The following SLC15A2 variants were observed in gnomAD, a reference collection of about 807,000 sequenced individuals.
SLC15A2 encodes the protein solute carrier family 15 member 2, also known as kidney H(+)/peptide cotransporter.
In SLC15A2, 77 loss-of-function variants were observed where a neutral mutation model predicts 95.5. The observed-to-expected ratio is 0.81, with a 90% CI of 0.67 to 0.97. The LOEUF (loss-of-function observed/expected upper bound fraction) is 0.97. Among genes scored for constraint, SLC15A2 ranks in the 50% least tolerant of loss-of-function variants. SLC15A2 has a pLI of 0.00. For missense variants in SLC15A2, 893 were observed against 874.4 expected (o/e 1.02, Z -0.27); for synonymous variants, 306 against 306.9 (o/e 1.00, Z 0.03).
intron 1 of SLC15A2, 129 bp from the exon 2 acceptor site, chr3:121,896,277 G>A (rs1404337489): frequency 1.4e-6 from 1 of 726,808 alleles, no homozygotes; most frequent in African/African-American, 1.7e-5. Flanking sequence ...GTCATGAAGA[G>A]TAGAGACCAT....
In SLC15A2 at chr3:121,896,493, G is replaced by T. The variant is rs151029304; in HGVS notation, c.193G>T (p.Ala65Ser). The T allele has an allele frequency of 4.0e-4, 648 of 1,613,232 alleles. No homozygotes were observed. The highest frequency in any genetic ancestry group is 5.3e-4 in the Non-Finnish European group (622 of 1,179,390). The stretch of plus-strand genomic sequence containing the variant: ...GCGCTTTTCCTATTATGGAATGAAA[G>T]GTAATTTTGTGTCCAAGAGTCCTAC... ...CERFSYYGMK[A>S]VLILYFLYFL... Residue 65 changes from alanine (A) to serine (S), a missense_variant and splice_region_variant, in exon 2 of 22, where the codon GCT becomes TCT. By Grantham distance (99) the Ala-to-Ser change is moderately conservative. Transcript: ENST00000489711.
At chr3:121,935,558 GT>G (rs1403441983) in intron 19 of SLC15A2, among the ~76,000 whole-genome samples, 7 of 152,126 alleles carry the variant, frequency 4.6e-5, no homozygotes, top group African/African-American at 1.7e-4. Flanking sequence ...GTGTAGAGGT[GT>G]TTGTAGTATT....
In SLC15A2 at chr3:121,928,563, G is replaced by A. The variant is rs1399382751; in HGVS notation, c.1341+8G>A. The A allele has an allele frequency of 4.3e-6, 7 of 1,612,690 alleles. No homozygotes were observed. The highest frequency in any genetic ancestry group is 1.1e-5 in the South Asian group (1 of 90,822). ...TCCATCAAATCCTTTCAGGTGAGGT[G>A]TGTACCTGAATGAATTAGAAACTCT... On this transcript the variant is annotated splice_region_variant and intron_variant, in intron 15 of 21. Transcript: ENST00000489711.
At chr3:121,923,172 T>G in intron 10 of SLC15A2, 43 bp downstream of exon 10, 1 of 1,611,850 alleles carries the variant, frequency 6.2e-7, no homozygotes, top group South Asian at 1.1e-5. Flanking sequence ...TTACAGCCAC[T>G]TCCCTCTCAC....
intron 7 of SLC15A2, among the ~76,000 whole-genome samples, chr3:121,918,930 C>T (rs1709949671): frequency 6.6e-6 from 1 of 152,170 alleles, no homozygotes; most frequent in South Asian, 2.1e-4. Context: ...TGGCCACTAC[C>T]GCCTCTGTCT....
At position 121,928,431 on chromosome 3, in the gene SLC15A2, C is replaced by A. The variant is rs1710164128; in HGVS notation, c.1217C>A (p.Pro406Gln). The change falls in exon 15 of 22, where the codon CCA becomes CAA. Residue 406 changes from proline to glutamine, a missense_variant. Transcript: ENST00000489711. Reference sequence around the variant, plus strand: ...GTTCTTTGCTCTAAGGAAATGGCCCCAGCCCAGCCAGGTCCCCAGGAGGTT... The same window carrying A: ...GTTCTTTGCTCTAAGGAAATGGCCCAAGCCCAGCCAGGTCCCCAGGAGGTT... ...AVEIKINEMA[P>Q]AQPGPQEVFL... 6.2e-7 allele frequency: 1 copy of A among 1,613,608 alleles called. No homozygotes were observed. Among genetic ancestry groups the A allele is most frequent in the Non-Finnish European group, 8.5e-7 (1 of 1,179,778 alleles).
intron 11 of SLC15A2, among the ~76,000 whole-genome samples, chr3:121,923,935 G>A (rs555981305): frequency 1.3e-5 from 2 of 152,124 alleles, no homozygotes; most frequent in African/African-American, 4.8e-5. Flanking sequence ...ATTTACCATG[G>A]TGGTCTTCTT....
At position 121,931,871 on chromosome 3, in the gene SLC15A2, G is replaced by T. The variant is rs545463757; in HGVS notation, c.1761+136G>T. 1.2e-3 allele frequency: 705 copies of T among 606,080 alleles called. 10 individuals carry two copies. The South Asian group carries it at 0.013, about 11-fold the overall frequency. The allele number at this position is 606,080 out of a possible 1,614,324, so 37.5% of individuals were successfully genotyped here. ...CGTATATTTATTTCTAGCATAAGAT[G>T]ACAGGTTCTACAGTGACTTTAATTA... On this transcript the variant is annotated intron_variant, in intron 19 of 21. Transcript: ENST00000489711.
At position 121,922,218 on chromosome 3, in the gene SLC15A2, A is replaced by G; in HGVS notation, c.698-2A>G. The G allele has an allele frequency of 6.2e-7, 1 of 1,612,754 alleles. No homozygotes were observed. Among genetic ancestry groups the G allele is most frequent in the Non-Finnish European group, 8.5e-7 (1 of 1,178,828 alleles). On this transcript the variant is annotated splice_acceptor_variant, in intron 7 of 21. Transcript: ENST00000489711. LOFTEE classifies it high-confidence loss of function. The stretch of plus-strand genomic sequence containing the variant: ...AGAACCTTGTTTGTGTATCAACTGC[A>G]GTTGTGTTTGCAATGGGAAGCAAAA...
At chr3:121,938,266 G>T (rs888663783) in intron 19 of SLC15A2, among the ~76,000 whole-genome samples, 1 of 152,250 alleles carries the variant, frequency 6.6e-6, no homozygotes, top group Admixed American at 6.5e-5. Flanking sequence ...AGGCAGGCAG[G>T]CCGCCTTGAG....
At chr3:121,902,467 G>A (rs948199020) in intron 3 of SLC15A2, among the ~76,000 whole-genome samples, 27 of 151,954 alleles carry the variant, frequency 1.8e-4, no homozygotes, top group African/African-American at 5.8e-4. Context: ...CCATGAACTC[G>A]CCATTTACAT....
chr3:121,923,201 A>T (rs3817601), intron 10 of SLC15A2, 21 bp from the exon 11 acceptor site: 732,670 of 1,612,834 alleles, frequency 0.45, 171,164 homozygotes, highest in East Asian at 0.72. Flanking sequence ...GATTTCTCAT[A>T]ACAGGATCTG....
chr3:121,930,331 T>C (rs1024036458), intron 17 of SLC15A2, among the ~76,000 whole-genome samples: 1 of 152,160 alleles, frequency 6.6e-6, no homozygotes, highest in Non-Finnish European at 1.5e-5. Flanking sequence ...CCAAAACAAT[T>C]ATAATAACCT....
At chr3:121,919,041 C>T (rs796211802) in intron 7 of SLC15A2, among the ~76,000 whole-genome samples, 1 of 152,166 alleles carries the variant, frequency 6.6e-6, no homozygotes, top group African/African-American at 2.4e-5. Flanking sequence ...AAGGGGAACA[C>T]GGTGGCGCCC....
intron 3 of SLC15A2, among the ~76,000 whole-genome samples, chr3:121,905,163 G>T (rs1709607204): frequency 6.6e-6 from 1 of 152,106 alleles, no homozygotes; most frequent in African/African-American, 2.4e-5. Flanking sequence ...TTCTCTGATG[G>T]TAGTTTGTAT....
At chr3:121,897,661 T>C in intron 3 of SLC15A2, 132 bp downstream of exon 3, 2 of 812,700 alleles carry the variant, frequency 2.5e-6, no homozygotes, top group East Asian at 2.7e-5. Flanking sequence ...TGTACATCTG[T>C]GTAGTGTGGG....
intron 11 of SLC15A2, among the ~76,000 whole-genome samples, chr3:121,923,566 C>G (rs1710051024): frequency 6.6e-6 from 1 of 152,176 alleles, no homozygotes; most frequent in African/African-American, 2.4e-5. Context: ...TCTGTCTAAG[C>G]CTATCCCAGA....
intron 1 of SLC15A2, chr3:121,895,330 C>G (rs1709396643): frequency 6.6e-6 from 1 of 152,154 alleles, no homozygotes; most frequent in African/African-American, 2.4e-5. Flanking sequence ...AGTGTGTCGG[C>G]TAAACTCCAG....
chr3:121,928,565 G>T lies in SLC15A2; in HGVS notation c.1341+10G>T, dbSNP rs745420213. On this transcript the variant is annotated intron_variant, in intron 15 of 21. Transcript: ENST00000489711. ...CATCAAATCCTTTCAGGTGAGGTGT[G>T]TACCTGAATGAATTAGAAACTCTGT... 2.5e-6 allele frequency: 4 copies of T among 1,611,470 alleles called. No homozygotes were observed. The highest frequency in any genetic ancestry group is 2.7e-5 in the African/African-American group (2 of 74,846).
Sources: allele counts gnomAD v4.1 joint callset (sites outside exome capture counted in the v4.1 genomes callset), GRCh38; gene constraint gnomAD v4.1.1; transcripts MANE v1.5; gene names NCBI Gene and HGNC (gene_info 2026-07-23, HGNC 2026-07-21).